AP3B2: variants seen among roughly 807,000 people sequenced by gnomAD.
AP3B2 encodes AP-3 complex subunit beta-2.
AP3B2 carries 50 observed loss-of-function variants against 126.9 expected under a neutral mutation model. The observed-to-expected ratio is 0.39, with a 90% CI of 0.31 to 0.50. The LOEUF (loss-of-function observed/expected upper bound fraction) is 0.50. Among genes scored for constraint, AP3B2 ranks in the 20% least tolerant of loss-of-function variants. The pLI is 0.79. For synonymous variants in AP3B2, 541 were observed against 565.0 expected, an observed-to-expected ratio of 0.96 and a Z score of 0.60; for missense variants, 1,177 against 1,426.4, an observed-to-expected ratio of 0.83 and a Z score of 2.82.
At chr15:82,674,009 C>G (rs1330182394) in intron 14 of AP3B2, among the ~76,000 whole-genome samples, 1 of 152,164 alleles carries the variant, frequency 6.6e-6, no homozygotes, top group African/African-American at 2.4e-5. Context: ...CCAACCCCCC[C>G]ATCCCCCGCC....
chr15:82,702,822 T>TC (rs1370973784), intron 1 of AP3B2, among the ~76,000 whole-genome samples: 3 of 152,066 alleles, frequency 2.0e-5, no homozygotes, highest in Non-Finnish European at 4.4e-5. Context: ...GGAAGATCAA[T>TC]CCCCTGTCCT....
Position 82,694,966 on chromosome 15 carries a change from A to G in AP3B2, c.114-5513T>C, listed in dbSNP as rs78822614. Among the ~76,000 whole-genome samples, 441 of 152,298 alleles carry G rather than the reference A, an allele frequency of 2.9e-3. 2 individuals carry two copies. Among genetic ancestry groups the G allele is most frequent in the African/African-American group, 0.01 (425 of 41,562 alleles). On this transcript the variant is annotated intron_variant, in intron 1 of 26. Coordinates refer to ENST00000535359, the MANE Select transcript of AP3B2 (RefSeq NM_001278512.2). ...TATTTGGTCTTCCACCCAGTTCCTC[A>G]CGCAGAGATCCTAAGACCTTTATAA...
At position 82,680,472 on chromosome 15, in the gene AP3B2, C is replaced by T. The variant is rs1419102314; in HGVS notation, c.1055G>A (p.Ser352Asn). ...KALVRLLRSH[S>N]EVQYVVLQNV... ...GGGCGGGGCTGGGGGCGGAGCGCACCTGTGGCTGCGCAGCAGGCGCACCAG... is the reference window on the plus strand; with the variant it reads ...GGGCGGGGCTGGGGGCGGAGCGCACTTGTGGCTGCGCAGCAGGCGCACCAG... The change falls in exon 8 of 27, where the codon AGT (serine) becomes AAT (asparagine). Residue 352 changes from serine (S) to asparagine (N), a missense_variant and splice_region_variant. Transcript: ENST00000535359. This position sits in a 1 kb window ranked among gnomAD's most constrained non-coding sequence, Gnocchi z 6.1. 6.7e-7 allele frequency: 1 copy of T among 1,497,754 alleles called. No individual in the cohort carries two copies. Among genetic ancestry groups the T allele is most frequent in the Non-Finnish European group, 8.9e-7 (1 of 1,126,404 alleles). 92.8% of individuals were successfully genotyped at this position (1,497,754 alleles called of 1,614,324 possible).
At chr15:82,694,391 AC>A (rs571790708) in intron 1 of AP3B2, among the ~76,000 whole-genome samples, 1 of 150,708 alleles carries the variant, frequency 6.6e-6, no homozygotes, top group Non-Finnish European at 1.5e-5. Context: ...AACCACCATA[AC>A]AAAGAACCAC....
chr15:82,688,481 AG>A (rs1168284731), intron 4 of AP3B2: 1 of 702,414 alleles, frequency 1.4e-6, no homozygotes, highest in Admixed American at 2.0e-5. Flanking sequence ...TACTAGAAGC[AG>A]CCATTACCAC....
In AP3B2 at chr15:82,662,444, C is replaced by A. The variant is rs980487061; in HGVS notation, c.2834-192G>T. 6.2e-6 allele frequency: 4 copies of A among 646,836 alleles called. No homozygotes were observed. In the East Asian group the frequency reaches 1.1e-4, roughly 18 times the overall value. The allele number at this position is 646,836 out of a possible 1,614,324, so 40.1% of individuals were successfully genotyped here. A position where few individuals can be genotyped will look rare whatever the true frequency, so the allele number is the denominator to read the frequency against. ...TCTAAGCACCCTTTCCCCCACTCAC[C>A]CTCACCACATTTAAGTTAGTCCTGA... On this transcript the variant is annotated intron_variant, in intron 23 of 26. Coordinates refer to ENST00000535359, the MANE Select transcript of AP3B2 (RefSeq NM_001278512.2).
At chr15:82,689,860 T>G in intron 1 of AP3B2, 1 of 174,786 alleles carries the variant, frequency 5.7e-6, no homozygotes, top group Non-Finnish European at 1.2e-5. Context: ...CCCAGCACTT[T>G]GGGAAGCTGA....
chr15:82,689,115 G>A, intron 3 of AP3B2, 43 bp downstream of exon 3: 1 of 1,601,286 alleles, frequency 6.2e-7, no homozygotes, highest in East Asian at 2.2e-5. Flanking sequence ...GTGTGGTCCT[G>A]GGGGAGGTGG....
At position 82,681,058 on chromosome 15, in the gene AP3B2, G is replaced by A. The variant is rs2048331307; in HGVS notation, c.589-39C>T. On this transcript the variant is annotated intron_variant, in intron 6 of 26. Transcript: ENST00000535359. This position sits in a 1 kb window ranked among gnomAD's most constrained non-coding sequence, Gnocchi z 4.0. ...AAAGACGAGAGGGTGAACGCGAAGG[G>A]TGGAAGGCCGGCTGCCGGTCACCAC... is the stretch of plus-strand genomic sequence containing the variant. 2 of 1,613,404 alleles carry A rather than the reference G, an allele frequency of 1.2e-6. No homozygotes were observed. The highest frequency in any genetic ancestry group is 1.7e-6 in the Non-Finnish European group (2 of 1,179,858).
rs758173164 is a variant in AP3B2, at chr15:82,659,990, G to GTA, written c.3017-9_3017-8dup. 2 of 1,613,620 alleles carry GTA rather than the reference G, an allele frequency of 1.2e-6. No individual in the cohort carries two copies. Among genetic ancestry groups the GTA allele is most frequent in the African/African-American group, 2.7e-5 (2 of 75,054 alleles). ...TTCATGCCCATCAGCTTTCCTGGGG[G>GTA]TAGAGGTCGTGATGAGGGCAGAGGC... On this transcript the variant is annotated splice_region_variant and splice_polypyrimidine_tract_variant and intron_variant, in intron 25 of 26. Coordinates refer to ENST00000535359, the MANE Select transcript of AP3B2 (RefSeq NM_001278512.2).
Position 82,661,927 on chromosome 15 carries a change from G to A in AP3B2, c.2919-5C>T. 1 of 1,612,360 alleles carries A rather than the reference G, an allele frequency of 6.2e-7. No individual in the cohort carries two copies. The highest frequency in any genetic ancestry group is 8.5e-7 in the Non-Finnish European group (1 of 1,178,652). Reference sequence around the variant, plus strand: ...TAGAACTGTCGGGTCTGGGTGCTGGGAGGGGTGGGAGGAAACGGAGAAGAA... The same window carrying A: ...TAGAACTGTCGGGTCTGGGTGCTGGAAGGGGTGGGAGGAAACGGAGAAGAA... On this transcript the variant is annotated splice_region_variant and splice_polypyrimidine_tract_variant and intron_variant, in intron 24 of 26. Transcript: ENST00000535359.
intron 25 of AP3B2, among the ~76,000 whole-genome samples, chr15:82,661,084 GCTC>G (rs1481301551): frequency 3.3e-5 from 5 of 151,998 alleles, no homozygotes; most frequent in Non-Finnish European, 7.4e-5. Context: ...CTCTCCCTGT[GCTC>G]CTTCTCTTAT....
chr15:82,664,294 A>G lies in AP3B2; in HGVS notation c.2261+73T>C. Reference sequence around the variant, plus strand: ...TCAGGGGCTCTTAGGAGACTGGCTAAAGCTCAATGCTAGCCCTCTTTCCAG... The same window carrying G: ...TCAGGGGCTCTTAGGAGACTGGCTAGAGCTCAATGCTAGCCCTCTTTCCAG... On this transcript the variant is annotated intron_variant, in intron 19 of 26. Coordinates refer to ENST00000535359, the MANE Select transcript of AP3B2 (RefSeq NM_001278512.2). This position sits in a 1 kb window ranked among gnomAD's most constrained non-coding sequence, Gnocchi z 4.5. 6.2e-7 allele frequency: 1 copy of G among 1,607,296 alleles called. No individual in the cohort carries two copies. Among genetic ancestry groups the G allele is most frequent in the Non-Finnish European group, 8.5e-7 (1 of 1,178,620 alleles).
intron 1 of AP3B2, among the ~76,000 whole-genome samples, chr15:82,695,135 C>T (rs57578325): frequency 0.16 from 22,250 of 143,176 alleles, 2,082 homozygotes; most frequent in African/African-American, 0.25. Context: ...CTTGCTCTGT[C>T]GCCCAGGCTG....
chr15:82,679,841 C>A, intron 9 of AP3B2, 41 bp from the exon 10 acceptor site: 1 of 1,585,324 alleles, frequency 6.3e-7, no homozygotes, highest in Non-Finnish European at 8.7e-7. Context: ...ACCGAAGCCC[C>A]AGGCCTGCCT....
intron 1 of AP3B2, chr15:82,692,307 C>T (rs929094921): frequency 4.7e-6 from 3 of 634,730 alleles, no homozygotes; most frequent in South Asian, 2.1e-5. Flanking sequence ...GTCCTTCTCG[C>T]GCACGTTGGA....
At chr15:82,705,392 T>C (rs1488202442) in intron 1 of AP3B2, among the ~76,000 whole-genome samples, 2 of 152,206 alleles carry the variant, frequency 1.3e-5, no homozygotes, top group Admixed American at 6.5e-5. Flanking sequence ...ATCTGTGCCT[T>C]GTCAGCCAAA....
intron 4 of AP3B2, chr15:82,687,617 G>T (rs2048451885): frequency 6.6e-6 from 1 of 152,208 alleles, no homozygotes; most frequent in Non-Finnish European, 1.5e-5. Flanking sequence ...TGAATGAATT[G>T]TATATTCAAG....
chr15:82,684,295 T>C (rs772893871), intron 4 of AP3B2, among the ~76,000 whole-genome samples: 1 of 152,238 alleles, frequency 6.6e-6, no homozygotes, highest in Non-Finnish European at 1.5e-5. Flanking sequence ...TCTGGACAAC[T>C]TGCTGCAGCT....
Sources: gnomAD v4.1 joint callset for allele counts (sites outside exome capture counted in the v4.1 genomes callset) on GRCh38, gnomAD v4.1.1 for gene constraint, Gnocchi (gnomAD v3.1) non-coding constraint, MANE v1.5 for transcripts, NCBI Gene and HGNC (gene_info 2026-07-23, HGNC 2026-07-21) for gene names.